OXSR1: variants seen among roughly 807,000 people sequenced by gnomAD.
OXSR1 encodes the protein serine/threonine-protein kinase OSR1.
OXSR1 carries 24 observed loss-of-function variants against 79.8 expected under a neutral mutation model. The ratio of observed to expected loss-of-function variants is 0.30; its 90% CI spans 0.22 to 0.42. The LOEUF (loss-of-function observed/expected upper bound fraction) is 0.42, where lower values mean the gene tolerates loss of function less well. Among genes scored for constraint, OXSR1 ranks in the 10% least tolerant of loss-of-function variants. The probability of loss-of-function intolerance (pLI) is 1.00; values close to 1 mark genes in which losing one functional copy is unlikely to be tolerated. For missense variants in OXSR1, 430 were observed against 618.4 expected (o/e 0.70, Z 3.23); for synonymous variants, 226 against 209.2 (o/e 1.08, Z -0.69).
intron 14 of OXSR1, among the ~76,000 whole-genome samples, chr3:38,249,211 G>A (rs1203143052): frequency 1.3e-5 from 2 of 152,062 alleles, no homozygotes; most frequent in Non-Finnish European, 2.9e-5. Context: ...AAGTGAGCAG[G>A]CATATCTGCC....
intron 4 of OXSR1, among the ~76,000 whole-genome samples, chr3:38,202,651 A>G (rs1702185275): frequency 2.0e-5 from 3 of 152,276 alleles, no homozygotes; most frequent in Non-Finnish European, 4.4e-5. Context: ...AATTAGATAT[A>G]GAGATGATCA....
intron 6 of OXSR1, among the ~76,000 whole-genome samples, chr3:38,222,336 G>T (rs1702605041): frequency 6.6e-6 from 1 of 152,184 alleles, no homozygotes; most frequent in South Asian, 2.1e-4. Flanking sequence ...AGGCTTTGTA[G>T]TACCAGCAGA....
chr3:38,191,774 C>T (rs1701988755), intron 3 of OXSR1, among the ~76,000 whole-genome samples: 1 of 147,092 alleles, frequency 6.8e-6, no homozygotes, highest in Admixed American at 6.8e-5. Context: ...TGTAAGTATC[C>T]AGTTCTCCAT....
At chr3:38,238,294 A>G (rs1001553360) in intron 11 of OXSR1, among the ~76,000 whole-genome samples, 8 of 152,124 alleles carry the variant, frequency 5.3e-5, no homozygotes, top group Non-Finnish European at 1.2e-4. Flanking sequence ...ATAATATACC[A>G]TGACCAAACG....
At chr3:38,178,955 C>G (rs750185722) in intron 1 of OXSR1, among the ~76,000 whole-genome samples, 13 of 151,816 alleles carry the variant, frequency 8.6e-5, no homozygotes, top group Non-Finnish European at 1.6e-4. Flanking sequence ...CCTCAGACTC[C>G]CAGGCTCAAG....
chr3:38,234,563 A>G (rs1456039135), intron 10 of OXSR1, among the ~76,000 whole-genome samples: 1 of 152,268 alleles, frequency 6.6e-6, no homozygotes, highest in African/African-American at 2.4e-5. Context: ...CACACCCACT[A>G]GGATGGCTAT....
intron 10 of OXSR1, among the ~76,000 whole-genome samples, chr3:38,235,307 CAG>C (rs1186466895): frequency 1.3e-5 from 2 of 151,846 alleles, no homozygotes; most frequent in Non-Finnish European, 2.9e-5. Context: ...AAATTGAAAA[CAG>C]AAGAAATGAA....
intron 4 of OXSR1, among the ~76,000 whole-genome samples, chr3:38,208,740 A>G (rs1702318695): frequency 6.6e-6 from 1 of 152,054 alleles, no homozygotes. Context: ...GTCTCTACTA[A>G]AAATACAAAA....
At chr3:38,185,225 CA>C (rs1441765112) in intron 2 of OXSR1, among the ~76,000 whole-genome samples, 5 of 151,860 alleles carry the variant, frequency 3.3e-5, no homozygotes, top group African/African-American at 1.2e-4. Flanking sequence ...TAAAGCGACA[CA>C]AAGACAACCA....
chr3:38,184,117 A>G (rs1293515717), intron 2 of OXSR1, among the ~76,000 whole-genome samples: 1 of 152,192 alleles, frequency 6.6e-6, no homozygotes, highest in Non-Finnish European at 1.5e-5. Flanking sequence ...CTGCCCATCC[A>G]GAAGTTTTTT....
intron 10 of OXSR1, among the ~76,000 whole-genome samples, chr3:38,234,159 A>G (rs1386064443): frequency 1.3e-5 from 2 of 152,224 alleles, no homozygotes; most frequent in Non-Finnish European, 2.9e-5. Context: ...GGAAGAAAAT[A>G]TAGCTATAAA....
At chr3:38,171,471 C>T (rs1701580819) in intron 1 of OXSR1, among the ~76,000 whole-genome samples, 1 of 152,198 alleles carries the variant, frequency 6.6e-6, no homozygotes, top group Admixed American at 6.5e-5. Flanking sequence ...TCCATCAAAA[C>T]ACGTACATTT....
chr3:38,226,826 C>A (rs1196044814), intron 8 of OXSR1, among the ~76,000 whole-genome samples: 2 of 151,312 alleles, frequency 1.3e-5, no homozygotes, highest in African/African-American at 4.9e-5. Context: ...GCAAGAGTAT[C>A]CTATACTAGA....
chr3:38,165,901 C>T lies in OXSR1; in HGVS notation c.25C>T (p.Pro9Ser). 6 of 1,611,790 alleles carry T rather than the reference C, an allele frequency of 3.7e-6. No individual in the cohort carries two copies. Among genetic ancestry groups the T allele is most frequent in the Non-Finnish European group, 5.1e-6 (6 of 1,179,596 alleles). MSEDSSAL[P>S]WSINRDDYEL... is the part of the protein sequence containing the mutation. ...CATGTCCGAGGACTCGAGCGCCCTG[C>T]CCTGGTCCATCAACAGGGACGATTA... The change falls in exon 1 of 18, where the codon CCC becomes TCC. Residue 9 changes from proline to serine, a missense_variant. By Grantham distance (74) the Pro-to-Ser change is moderately conservative. Transcript: ENST00000311806.
chr3:38,201,448 C>A (rs1353558600), intron 4 of OXSR1, among the ~76,000 whole-genome samples: 1 of 151,976 alleles, frequency 6.6e-6, no homozygotes, highest in East Asian at 1.9e-4. Context: ...TGGTGACTCA[C>A]GCCTGTAATC....
chr3:38,203,288 C>A (rs1421255257), intron 4 of OXSR1, among the ~76,000 whole-genome samples: 1 of 152,132 alleles, frequency 6.6e-6, no homozygotes, highest in African/African-American at 2.4e-5. Context: ...GAAGATTCAC[C>A]CTCCTTACCC....
chr3:38,225,172 TGAC>T (rs1702666218), intron 8 of OXSR1: 1 of 152,356 alleles, frequency 6.6e-6, no homozygotes, highest in Non-Finnish European at 1.5e-5. Flanking sequence ...ACAGATTGAA[TGAC>T]AAGTGAGCAA....
chr3:38,240,370 G>A (rs1445613649), intron 11 of OXSR1, among the ~76,000 whole-genome samples: 1 of 152,158 alleles, frequency 6.6e-6, no homozygotes. Context: ...ACAGGGCAAA[G>A]TGAGAAAGAA....
chr3:38,200,204 A>G (rs1285203546), intron 4 of OXSR1, among the ~76,000 whole-genome samples: 2 of 152,136 alleles, frequency 1.3e-5, no homozygotes, highest in African/African-American at 4.8e-5. Context: ...GGGACCACCT[A>G]TTAGATTTCT....
Sources: allele counts gnomAD v4.1 joint callset (sites outside exome capture counted in the v4.1 genomes callset), GRCh38; gene constraint gnomAD v4.1.1; transcripts MANE v1.5; gene names NCBI Gene and HGNC (gene_info 2026-07-23, HGNC 2026-07-21).